FOXR1: variants seen among roughly 807,000 people sequenced by gnomAD.
FOXR1 encodes the protein forkhead box protein R1.
Under a neutral mutation model 34.5 loss-of-function variants are expected in FOXR1, and 25 were observed. The observed-to-expected ratio is 0.72, with a 90% CI of 0.53 to 1.01. The LOEUF (loss-of-function observed/expected upper bound fraction) is 1.01, where lower values mean the gene tolerates loss of function less well. Ranked by LOEUF, FOXR1 falls within the 50% of genes least tolerant of loss-of-function variation. The probability of loss-of-function intolerance (pLI) is 0.00; values close to 1 mark genes in which losing one functional copy is unlikely to be tolerated. For synonymous variants in FOXR1, 153 were observed against 141.6 expected (o/e 1.08, Z -0.57); for missense variants, 373 against 376.2 (o/e 0.99, Z 0.07).
rs368275588 is a variant in FOXR1 at position 118,977,537 on chromosome 11, C to T, written c.62-1245C>T. ...CACCACTGCACTCCAGCATGGGCAA[C>T]CAAGCAAGACCCTGTCTCCAAAAAA... On this transcript the variant is annotated intron_variant, in intron 1 of 5. Coordinates refer to ENST00000317011, the MANE Select transcript of FOXR1 (RefSeq NM_181721.3). Among the ~76,000 whole-genome samples, 6 of 152,116 alleles carry T rather than the reference C, an allele frequency of 3.9e-5. No individual in the cohort carries two copies. The South Asian group carries it at 8.3e-4, about 21-fold the overall frequency.
intron 5 of FOXR1, 34 bp downstream of exon 5, chr11:118,980,762 A>C (rs1941851025): frequency 6.3e-7 from 1 of 1,586,250 alleles, no homozygotes; most frequent in Non-Finnish European, 8.6e-7. Flanking sequence ...GCCCAAGGGG[A>C]AGAGACCTGA....
chr11:118,980,262 T>C (rs1442464718), intron 4 of FOXR1: 1 of 684,614 alleles, frequency 1.5e-6, no homozygotes, highest in South Asian at 1.5e-5. Flanking sequence ...TTGTTCATGC[T>C]GTGGTCCAAG....
Position 118,979,646 on chromosome 11 carries a change from C to T in FOXR1, c.589C>T (p.Gln197Ter), listed in dbSNP as rs1392643918. The part of the protein sequence containing the change: ...RNSSPCGLNV[Q>*]QIYSFTRKHF... ...CAGTTCCCCCTGTGGCCTCAACGTGCAACAGATCTACAGTTTCACTCGGTA... is the reference window on the plus strand; with the variant it reads ...CAGTTCCCCCTGTGGCCTCAACGTGTAACAGATCTACAGTTTCACTCGGTA... The change falls in exon 4 of 6, where the codon CAA becomes TAA. Residue 197 changes from glutamine (Q) to a stop codon, truncating the protein, a stop_gained. Transcript: ENST00000317011. LOFTEE classifies it high-confidence loss of function. The T allele has an allele frequency of 1.2e-6, 2 of 1,607,684 alleles. No individual in the cohort carries two copies. The highest frequency in any genetic ancestry group is 8.5e-7 in the Non-Finnish European group (1 of 1,176,844).
At chr11:118,977,504 C>T (rs1294626767) in intron 1 of FOXR1, among the ~76,000 whole-genome samples, 3 of 151,904 alleles carry the variant, frequency 2.0e-5, no homozygotes, top group South Asian at 2.1e-4. Context: ...TGCAGTGAGC[C>T]GGTGTCACAC....
Position 118,973,258 on chromosome 11 carries a change from C to T in FOXR1, c.61+1266C>T, listed in dbSNP as rs577111482. Among the ~76,000 whole-genome samples the T allele has an allele frequency of 3.9e-5, 6 of 152,210 alleles. No homozygotes were observed. The South Asian group carries it at 1.2e-3, about 32-fold the overall frequency. On this transcript the variant is annotated intron_variant, in intron 1 of 5. Transcript: ENST00000317011. Reference sequence around the variant, plus strand: ...CACAGTGAATAGAACAGACAAGGAACCTTACATTCTACTGGGGGCAGACAG... The same window carrying T: ...CACAGTGAATAGAACAGACAAGGAATCTTACATTCTACTGGGGGCAGACAG...
chr11:118,977,537 C>A (rs368275588), intron 1 of FOXR1, among the ~76,000 whole-genome samples: 1 of 151,998 alleles, frequency 6.6e-6, no homozygotes, highest in Non-Finnish European at 1.5e-5. Context: ...GCATGGGCAA[C>A]CAAGCAAGAC....
Position 118,979,473 on chromosome 11 carries a change from A to G in FOXR1, c.416A>G (p.Glu139Gly). The change falls in exon 4 of 6, where the codon GAA becomes GGA. Residue 139 changes from glutamate (E) to glycine (G), a missense_variant. Transcript: ENST00000317011. ...GAAGAGGAGGAGGCTGAGGACCAGG[A>G]AGACAGCTCCTCTATGGCTCTCCCA... ...LTEEEEAEDQ[E>G]DSSSMALPSP... The G allele has an allele frequency of 6.2e-7, 1 of 1,611,318 alleles. No individual in the cohort carries two copies. The highest frequency in any genetic ancestry group is 8.5e-7 in the Non-Finnish European group (1 of 1,178,668).
intron 4 of FOXR1, chr11:118,980,283 T>C (rs1472035510): frequency 7.2e-6 from 5 of 699,014 alleles, no homozygotes; most frequent in African/African-American, 3.5e-5. Flanking sequence ...CCCTGGGCCC[T>C]CAGAGGGAGG....
At chr11:118,972,132 C>A (rs1205440792) in intron 1 of FOXR1, 140 bp downstream of exon 1, 5 of 561,044 alleles carry the variant, frequency 8.9e-6, no homozygotes, top group Non-Finnish European at 1.1e-5. Flanking sequence ...GCCCCGCGCC[C>A]CCCCCCCCCG....
chr11:118,972,681 G>A (rs1238154516), intron 1 of FOXR1, among the ~76,000 whole-genome samples: 2 of 151,388 alleles, frequency 1.3e-5, no homozygotes, highest in East Asian at 3.9e-4. Flanking sequence ...GGAGTGCAGT[G>A]GCGCGATCTC....
chr11:118,972,350 G>C lies in FOXR1; in HGVS notation c.61+358G>C, dbSNP rs371390494. 7.2e-5 allele frequency among the ~76,000 whole-genome samples: 11 copies of C among 151,974 alleles called. No homozygotes were observed. In the East Asian group the frequency reaches 2.0e-3, roughly 27 times the overall value. ...TCTTCTGGGTCTTCTCCTTGGCGCT[G>C]GTCGCCATTTGCTATACTGTATATT... On this transcript the variant is annotated intron_variant, in intron 1 of 5. Transcript: ENST00000317011.
chr11:118,977,522 C>T (rs1941793834), intron 1 of FOXR1, among the ~76,000 whole-genome samples: 1 of 152,052 alleles, frequency 6.6e-6, no homozygotes, highest in South Asian at 2.1e-4. Flanking sequence ...CACCACTGCA[C>T]TCCAGCATGG....
rs181150638 is a variant in FOXR1 at position 118,977,694 on chromosome 11, A to C, written c.62-1088A>C. ...TATCATTTCTCAAACAAAAGCCTAG[A>C]TTCATCTGTAATATAATGACACTCA... On this transcript the variant is annotated intron_variant, in intron 1 of 5. Coordinates refer to ENST00000317011, the MANE Select transcript of FOXR1 (RefSeq NM_181721.3). Among the ~76,000 whole-genome samples, 88 of 152,310 alleles carry C rather than the reference A, an allele frequency of 5.8e-4. 2 individuals are homozygous for C. The East Asian group carries it at 0.016, about 28-fold the overall frequency.
At chr11:118,979,288 C>A (rs907649443) in intron 3 of FOXR1, 84 bp downstream of exon 3, 20 of 1,497,608 alleles carry the variant, frequency 1.3e-5, no homozygotes, top group Non-Finnish European at 1.7e-5. Flanking sequence ...GCTCTCTTAG[C>A]CATAGCAAAA....
chr11:118,976,538 G>A (rs1056963965), intron 1 of FOXR1, among the ~76,000 whole-genome samples: 19 of 152,306 alleles, frequency 1.2e-4, no homozygotes, highest in African/African-American at 3.8e-4. Context: ...GTGTTGGAGA[G>A]TGACAGCTAA....
At position 118,980,527 on chromosome 11, in the gene FOXR1, T is replaced by A; in HGVS notation, c.649T>A (p.Trp217Arg). The A allele has an allele frequency of 1.2e-6, 2 of 1,614,228 alleles. No homozygotes were observed. Among genetic ancestry groups the A allele is most frequent in the Non-Finnish European group, 1.7e-6 (2 of 1,180,040 alleles). The change falls in exon 5 of 6, where the codon TGG becomes AGG. Residue 217 changes from tryptophan (W) to arginine (R), a missense_variant. Physicochemically the swap from Trp to Arg is moderately radical, Grantham distance 101. Coordinates refer to ENST00000317011, the MANE Select transcript of FOXR1 (RefSeq NM_181721.3). ...FPFFRTAPEGWKNTVRHNLCF... is the reference protein window; with the variant it reads ...FPFFRTAPEGRKNTVRHNLCF... ...CTTTTTCCGGACGGCCCCGGAAGGCTGGAAGAATACTGTCCGTCACAATCT... is the reference window on the plus strand; with the variant it reads ...CTTTTTCCGGACGGCCCCGGAAGGCAGGAAGAATACTGTCCGTCACAATCT...
Position 118,978,784 on chromosome 11 carries a change from G to T in FOXR1, c.64G>T (p.Ala22Ser). The T allele has an allele frequency of 6.8e-6, 11 of 1,614,080 alleles. No homozygotes were observed. The highest frequency in any genetic ancestry group is 6.8e-6 in the Non-Finnish European group (8 of 1,180,004). Residue 22 changes from alanine (A) to serine (S), a missense_variant and splice_region_variant, in exon 2 of 6, where the codon GCC becomes TCC. Ala to Ser is a moderately conservative substitution (Grantham distance 99, BLOSUM62 1). Coordinates refer to ENST00000317011, the MANE Select transcript of FOXR1 (RefSeq NM_181721.3). The stretch of plus-strand genomic sequence containing the variant: ...CTCTCTGTCTTTCTTTTTGCCAGTT[G>T]CCAGGTATAAACTCCGAATTGTTAA... ...SHLPLAEQKL[A>S]RYKLRIVKPP...
intron 5 of FOXR1, 68 bp from the exon 6 acceptor site, chr11:118,981,140 G>A: frequency 6.7e-7 from 1 of 1,497,430 alleles, no homozygotes; most frequent in Non-Finnish European, 9.3e-7. Flanking sequence ...TGCTATGAGA[G>A]AGCATCCCAG....
Position 118,980,607 on chromosome 11 carries a change from C to A in FOXR1, c.729C>A (p.Ser243Arg), listed in dbSNP as rs373442413. 1.2e-4 allele frequency: 193 copies of A among 1,614,148 alleles called. No homozygotes were observed. The highest frequency in any genetic ancestry group is 1.6e-4 in the Non-Finnish European group (185 of 1,180,060). The change falls in exon 5 of 6, where the codon AGC becomes AGA. Residue 243 changes from serine (S) to arginine (R), a missense_variant. Ser to Arg is a moderately radical substitution (Grantham distance 110). Transcript: ENST00000317011. ...CTGTCAGCATGCAGGGCGGGGCCAG[C>A]ACACGGCCTCGATCTTGCCTCTGGA... Reference protein sequence around the residue: ...KVPVSMQGGASTRPRSCLWKL... With the variant: ...KVPVSMQGGARTRPRSCLWKL...
Sources: gnomAD v4.1 joint callset for allele counts (sites outside exome capture counted in the v4.1 genomes callset) on GRCh38, gnomAD v4.1.1 for gene constraint, MANE v1.5 for transcripts, NCBI Gene and HGNC (gene_info 2026-07-23, HGNC 2026-07-21) for gene names.